Variants in ACACA observed in about 807,000 individuals in gnomAD.
ACACA encodes acetyl-CoA carboxylase 1.
A neutral mutation model predicts 296.1 loss-of-function variants in ACACA; 103 were observed. The observed-to-expected ratio is 0.35, with a 90% CI of 0.30 to 0.41. The LOEUF (loss-of-function observed/expected upper bound fraction) is 0.41. Among genes scored for constraint, ACACA ranks in the 10% least tolerant of loss-of-function variants. The probability of loss-of-function intolerance (pLI) is 1.00; values close to 1 mark genes in which losing one functional copy is unlikely to be tolerated. For missense variants in ACACA, 1,554 were observed against 2,989.7 expected (o/e 0.52, Z 11.20); for synonymous variants, 953 against 1,038.6 (o/e 0.92, Z 1.58).
intron 1 of ACACA, chr17:37,359,261 T>C (rs1309157823): frequency 1.6e-6 from 1 of 606,528 alleles, no homozygotes; most frequent in African/African-American, 2.0e-5. Context: ...CGCTCCGGGC[T>C]GCGGCGCTGC....
intron 10 of ACACA, among the ~76,000 whole-genome samples, chr17:37,266,348 A>T (rs2081771475): frequency 6.6e-6 from 1 of 151,460 alleles, no homozygotes; most frequent in Non-Finnish European, 1.5e-5. Context: ...TGGGAGGTGG[A>T]GGTTGCAGTG....
intron 1 of ACACA, among the ~76,000 whole-genome samples, chr17:37,382,036 T>G (rs925690394): frequency 1.3e-5 from 2 of 152,320 alleles, no homozygotes; most frequent in South Asian, 2.1e-4. Flanking sequence ...ATTCTTCTTT[T>G]TTCTCTTTTT....
In ACACA at chr17:37,308,667, G is replaced by A. The variant is rs549960306; in HGVS notation, c.338+21506C>T. Among the ~76,000 whole-genome samples the A allele has an allele frequency of 1.7e-3, 259 of 152,282 alleles. 1 individual carries two copies. Among genetic ancestry groups the A allele is most frequent in the African/African-American group, 5.9e-3 (245 of 41,560 alleles). Reference sequence around the variant, plus strand: ...ATTTAAAAACTACTAGCCAGGTGTGGTGACTCACGCCTGTAATCCCAGCAC... The same window carrying A: ...ATTTAAAAACTACTAGCCAGGTGTGATGACTCACGCCTGTAATCCCAGCAC... On this transcript the variant is annotated intron_variant, in intron 3 of 55. Coordinates refer to ENST00000616317, the MANE Select transcript of ACACA (RefSeq NM_198834.3).
rs371471203 is a variant in ACACA at position 37,161,915 on chromosome 17, C to T, written c.5215G>A (p.Ala1739Thr). ...GPQEDLLFLRASELARAEGIP... is the reference protein window; with the variant it reads ...GPQEDLLFLRTSELARAEGIP... ...CCTTCTGCCCTAGCAAGTTCGGAAG[C>T]TCTGAGAAATAACAAATCCTCTTGA... The change falls in exon 42 of 56, where the codon GCT (alanine) becomes ACT (threonine). Residue 1739 changes from alanine (A) to threonine (T), a missense_variant. By Grantham distance (58) the Ala-to-Thr change is moderately conservative. Coordinates refer to ENST00000616317, the MANE Select transcript of ACACA (RefSeq NM_198834.3). 1.3e-5 allele frequency: 21 copies of T among 1,614,062 alleles called. No homozygotes were observed. Among genetic ancestry groups the T allele is most frequent in the South Asian group, 5.5e-5 (5 of 91,078 alleles).
In ACACA at chr17:37,235,011, T is replaced by C. The variant is rs1178112882; in HGVS notation, c.3210A>G (p.Gln1070=). The change falls in exon 25 of 56, where the codon CAA becomes CAG. Residue 1070 remains glutamine (Q), a synonymous_variant. Transcript: ENST00000616317. The part of the protein sequence containing the change: ...TVLNYIFSHA[Q]VTKKNLLVTM... ...TGACCAGAAGATTCTTCTTGGTGAC[T>C]TGAGCGTGAGAGAAGATGTAGTTCA... 3 of 1,613,882 alleles carry C rather than the reference T, an allele frequency of 1.9e-6. No individual in the cohort carries two copies. The highest frequency in any genetic ancestry group is 3.3e-5 in the Admixed American group (2 of 59,994).
Position 37,393,050 on chromosome 17 carries a change from G to C in ACACA, c.38+13212C>G, listed in dbSNP as rs552339850. Reference sequence around the variant, plus strand: ...TCAGCTACTGGGGAGGCTGAGGCAGGAGAATCGCTTGAACCCGGGAGGTGG... The same window carrying C: ...TCAGCTACTGGGGAGGCTGAGGCAGCAGAATCGCTTGAACCCGGGAGGTGG... On this transcript the variant is annotated intron_variant, in intron 1 of 55. Transcript: ENST00000616317. Among the ~76,000 whole-genome samples the C allele has an allele frequency of 1.7e-4, 25 of 151,382 alleles. No homozygotes were observed. In the South Asian group the frequency reaches 5.0e-3, roughly 30 times the overall value.
intron 1 of ACACA, chr17:37,369,356 C>T (rs2049719744): frequency 6.6e-6 from 1 of 151,980 alleles, no homozygotes; most frequent in African/African-American, 2.4e-5. Context: ...TTTAGCTGGG[C>T]AAGTGATACA....
Position 37,192,226 on chromosome 17 carries a change from T to G in ACACA, c.4280A>C (p.Asp1427Ala). ...QLELNRMRNF[D>A]LTAIPCANHK... ...ATTAGCACATGGAATGGCAGTGAGG[T>G]CAAAATTTCTCATCCGGTTCAGCTC... Residue 1427 changes from aspartate to alanine, a missense_variant, in exon 37 of 56, where the codon GAC becomes GCC. By Grantham distance (126) the Asp-to-Ala change is moderately radical. This residue lies in a region of ACACA where 179 missense variants were observed against 283.2 expected (regional missense o/e 0.63). Coordinates refer to ENST00000616317, the MANE Select transcript of ACACA (RefSeq NM_198834.3). 6.2e-7 allele frequency: 1 copy of G among 1,613,450 alleles called. No individual in the cohort carries two copies. Among genetic ancestry groups the G allele is most frequent in the Non-Finnish European group, 8.5e-7 (1 of 1,179,844 alleles).
chr17:37,295,791 G>C (rs1356299535), intron 3 of ACACA, among the ~76,000 whole-genome samples: 1 of 152,080 alleles, frequency 6.6e-6, no homozygotes, highest in Non-Finnish European at 1.5e-5. Context: ...TGGGCGTGGT[G>C]GTGGGCACCT....
chr17:37,095,326 A>G (rs1466931426), intron 54 of ACACA, among the ~76,000 whole-genome samples: 2 of 152,252 alleles, frequency 1.3e-5, no homozygotes, highest in Admixed American at 1.3e-4. Context: ...TCACTCAATT[A>G]TGATGCCACA....
At chr17:37,102,380 TTTTTCATAGAGA>T (rs1442896149) in intron 52 of ACACA, among the ~76,000 whole-genome samples, 3 of 152,014 alleles carry the variant, frequency 2.0e-5, no homozygotes, top group Non-Finnish European at 4.4e-5. Context: ...GATTTTTGAA[TTTTTCATAGAGA>T]TTTGGTTTTA....
intron 4 of ACACA, among the ~76,000 whole-genome samples, chr17:37,284,219 T>C (rs1353611819): frequency 1.3e-5 from 2 of 152,206 alleles, no homozygotes; most frequent in Non-Finnish European, 2.9e-5. Context: ...TCTCTAAGTA[T>C]ATCATGTGGT....
chr17:37,313,837 G>A (rs2046958971), intron 3 of ACACA, among the ~76,000 whole-genome samples: 1 of 152,116 alleles, frequency 6.6e-6, no homozygotes, highest in Non-Finnish European at 1.5e-5. Flanking sequence ...ATACAACCCA[G>A]CAATCCCATA....
intron 32 of ACACA, among the ~76,000 whole-genome samples, chr17:37,206,147 TG>T (rs2078490125): frequency 6.6e-6 from 1 of 151,822 alleles, no homozygotes; most frequent in Admixed American, 6.6e-5. Context: ...AAGATCACTA[TG>T]TCTCACCTTT....
chr17:37,125,645 T>C, intron 48 of ACACA, 53 bp downstream of exon 48: 2 of 1,432,290 alleles, frequency 1.4e-6, no homozygotes, highest in South Asian at 1.2e-5. Flanking sequence ...GGCTCTTTCT[T>C]TCTTATTTTT....
intron 16 of ACACA, among the ~76,000 whole-genome samples, chr17:37,250,377 C>A (rs1030891793): frequency 1.3e-5 from 2 of 152,210 alleles, no homozygotes; most frequent in South Asian, 2.1e-4. Flanking sequence ...CAGTGGCTCA[C>A]GCCTCTAATT....
intron 1 of ACACA, among the ~76,000 whole-genome samples, chr17:37,395,770 C>T (rs1355385642): frequency 2.0e-5 from 3 of 151,954 alleles, no homozygotes; most frequent in Admixed American, 1.3e-4. Flanking sequence ...CTCGAACTCC[C>T]GACCTCAGGT....
intron 1 of ACACA, among the ~76,000 whole-genome samples, chr17:37,351,480 CAAATA>C (rs1424046334): frequency 2.6e-5 from 4 of 152,182 alleles, no homozygotes; most frequent in Admixed American, 1.3e-4. Flanking sequence ...AATAAATAAA[CAAATA>C]AAATAAAATG....
At position 37,097,889 on chromosome 17, in the gene ACACA, C is replaced by G. The variant is rs746235470; in HGVS notation, c.6661G>C (p.Val2221Leu). The G allele has an allele frequency of 3.0e-5, 48 of 1,614,042 alleles. No individual in the cohort carries two copies. Among genetic ancestry groups the G allele is most frequent in the Non-Finnish European group, 3.9e-5 (46 of 1,180,038 alleles). ...FLIPIYHQVA[V>L]QFADLHDTPG... Reference sequence around the variant, plus strand: ...GTGTCGTGCAAGTCAGCAAACTGCACGGCTACCTGATGGTAAATGGGAATT... The same window carrying G: ...GTGTCGTGCAAGTCAGCAAACTGCAGGGCTACCTGATGGTAAATGGGAATT... Residue 2221 changes from valine to leucine, a missense_variant, in exon 53 of 56, where the codon GTG becomes CTG. By Grantham distance (32) the Val-to-Leu change is conservative. Coordinates refer to ENST00000616317, the MANE Select transcript of ACACA (RefSeq NM_198834.3). This position sits in a 1 kb window ranked among gnomAD's most constrained non-coding sequence, Gnocchi z 4.8.
Sources: allele counts gnomAD v4.1 joint callset (sites outside exome capture counted in the v4.1 genomes callset), GRCh38; gene constraint gnomAD v4.1.1; regional missense constraint gnomAD v4.1.1; non-coding constraint Gnocchi (gnomAD v3.1); transcripts MANE v1.5; gene names NCBI Gene and HGNC (gene_info 2026-07-23, HGNC 2026-07-21).